The following APP variants were observed in gnomAD, a reference collection of about 807,000 sequenced individuals.
APP encodes the protein amyloid beta precursor protein.
A neutral mutation model predicts 101.4 loss-of-function variants in APP; 31 were observed. The ratio of observed to expected loss-of-function variants is 0.31; its 90% CI spans 0.23 to 0.41. The LOEUF is 0.41. Among genes scored for constraint, APP ranks in the 10% least tolerant of loss-of-function variants. The pLI, the probability that APP is intolerant of heterozygous loss-of-function variation, is 1.00. For synonymous variants in APP, 366 were observed against 364.4 expected (o/e 1.00, Z -0.05); for missense variants, 839 against 1,003.7 (o/e 0.84, Z 2.22).
chr21:26,132,453 TAG>T (rs1310028650), intron 1 of APP, among the ~76,000 whole-genome samples: 4 of 152,188 alleles, frequency 2.6e-5, no homozygotes, highest in African/African-American at 7.2e-5. Flanking sequence ...GGCACTGAAT[TAG>T]ACTTTTAATA....
chr21:25,897,590 C>T lies in APP; in HGVS notation c.2047G>A (p.Val683Ile), dbSNP rs762823452. Reference sequence around the variant, plus strand: ...TTACGTACCAATTTTTGATGATGAACTTCATATCCTGAGTCATGTCGGAAT... The same window carrying T: ...TTACGTACCAATTTTTGATGATGAATTTCATATCCTGAGTCATGTCGGAAT... ...AEFRHDSGYEVHHQKLVFFAE... is the reference protein window; with the variant it reads ...AEFRHDSGYEIHHQKLVFFAE... Residue 683 changes from valine (V) to isoleucine (I), a missense_variant, in exon 16 of 18, where the codon GTT becomes ATT. Coordinates refer to ENST00000346798, the MANE Select transcript of APP (RefSeq NM_000484.4). The T allele has an allele frequency of 3.1e-6, 5 of 1,613,296 alleles. No homozygotes were observed. In the African/African-American group the frequency reaches 6.7e-5, roughly 22 times the overall value.
chr21:26,046,162 G>GA (rs1376261974), intron 5 of APP, among the ~76,000 whole-genome samples: 1 of 151,332 alleles, frequency 6.6e-6, no homozygotes, highest in Non-Finnish European at 1.5e-5. Context: ...ATCTGGGTGG[G>GA]AAAAAAGCCA....
intron 13 of APP, among the ~76,000 whole-genome samples, chr21:25,912,692 T>C (rs993392312): frequency 6.6e-6 from 1 of 152,136 alleles, no homozygotes; most frequent in African/African-American, 2.4e-5. Context: ...CTTTCTCCTC[T>C]GTTGCTTCCC....
intron 7 of APP, among the ~76,000 whole-genome samples, chr21:25,999,324 C>T (rs760244187): frequency 3.3e-5 from 5 of 152,136 alleles, no homozygotes; most frequent in South Asian, 4.2e-4. Flanking sequence ...TTATGTTCCT[C>T]GAGCCTTATG....
chr21:26,040,194 C>T (rs556608762), intron 5 of APP, among the ~76,000 whole-genome samples: 30 of 152,270 alleles, frequency 2.0e-4, no homozygotes, highest in Admixed American at 1.7e-3. Context: ...TAATTTTCTA[C>T]GTTTGCTGTC....
chr21:26,002,528 C>G (rs749865425), intron 6 of APP, among the ~76,000 whole-genome samples: 1 of 152,230 alleles, frequency 6.6e-6, no homozygotes, highest in East Asian at 1.9e-4. Context: ...TGCTCTTTAA[C>G]GTTTCTAAGA....
At chr21:25,898,590 A>G (rs566952055) in intron 15 of APP, among the ~76,000 whole-genome samples, 83 of 152,232 alleles carry the variant, frequency 5.5e-4, no homozygotes, top group Non-Finnish European at 1.0e-3. Context: ...AACATAGAGG[A>G]ATGTATCAAT....
intron 6 of APP, among the ~76,000 whole-genome samples, chr21:26,006,466 G>A (rs1325964997): frequency 6.6e-6 from 1 of 152,122 alleles, no homozygotes; most frequent in African/African-American, 2.4e-5. Context: ...TCTTTGTAAG[G>A]TAGGCCCTTG....
At chr21:26,112,329 A>G (rs1038598850) in intron 1 of APP, among the ~76,000 whole-genome samples, 183 bp from the exon 2 acceptor site, 1 of 152,252 alleles carries the variant, frequency 6.6e-6, no homozygotes, top group Non-Finnish European at 1.5e-5. Flanking sequence ...TTAGCCACCT[A>G]TAAGGCAATG....
intron 3 of APP, among the ~76,000 whole-genome samples, chr21:26,059,862 G>C (rs565841973): frequency 8.5e-6 from 1 of 117,220 alleles, no homozygotes; most frequent in African/African-American, 3.3e-5. Context: ...CTGCAGTCCA[G>C]ACTGAGCGAA....
intron 1 of APP, among the ~76,000 whole-genome samples, chr21:26,162,721 T>C (rs902275229): frequency 6.6e-5 from 10 of 150,558 alleles, no homozygotes; most frequent in African/African-American, 2.2e-4. Context: ...CAAATGACTT[T>C]TCTTTATGCA....
chr21:26,137,016 C>T (rs1287883474), intron 1 of APP, among the ~76,000 whole-genome samples: 1 of 150,682 alleles, frequency 6.6e-6, no homozygotes, highest in African/African-American at 2.5e-5. Context: ...GCTCACTGCA[C>T]CTATGCCTCC....
At chr21:25,966,582 T>G (rs1701000) in intron 11 of APP, among the ~76,000 whole-genome samples, 1 of 152,004 alleles carries the variant, frequency 6.6e-6, no homozygotes, top group Non-Finnish European at 1.5e-5. Flanking sequence ...TACCAAGAAC[T>G]CAGCAAATAA....
intron 13 of APP, among the ~76,000 whole-genome samples, chr21:25,930,590 A>G (rs992792144): frequency 2.0e-5 from 3 of 151,646 alleles, no homozygotes; most frequent in Non-Finnish European, 4.4e-5. Flanking sequence ...CACAAATTAT[A>G]TATATATATA....
intron 3 of APP, among the ~76,000 whole-genome samples, chr21:26,071,772 A>C (rs2061415946): frequency 6.6e-6 from 1 of 152,210 alleles, no homozygotes; most frequent in Non-Finnish European, 1.5e-5. Flanking sequence ...TTTTCAGGCC[A>C]AAGGCAGAGA....
intron 1 of APP, among the ~76,000 whole-genome samples, chr21:26,139,411 G>T (rs2062993061): frequency 6.6e-6 from 1 of 152,130 alleles, no homozygotes; most frequent in Non-Finnish European, 1.5e-5. Flanking sequence ...ATAAGGTAAG[G>T]TTACATTAGT....
At chr21:26,040,350 C>T (rs1318354855) in intron 5 of APP, among the ~76,000 whole-genome samples, 1 of 151,992 alleles carries the variant, frequency 6.6e-6, no homozygotes, top group Admixed American at 6.6e-5. Context: ...GCCTGTAATC[C>T]CAGCACTTTG....
intron 16 of APP, among the ~76,000 whole-genome samples, chr21:25,896,420 A>T (rs1462874192): frequency 6.6e-6 from 1 of 150,808 alleles, no homozygotes; most frequent in Non-Finnish European, 1.5e-5. Context: ...AGTAACACTC[A>T]CACACACACA....
intron 16 of APP, among the ~76,000 whole-genome samples, chr21:25,897,273 C>T (rs1369091634): frequency 6.6e-6 from 1 of 152,120 alleles, no homozygotes; most frequent in Non-Finnish European, 1.5e-5. Flanking sequence ...CCACCACACC[C>T]AGCTAATCTT....
Sources: gnomAD v4.1 joint callset for allele counts (sites outside exome capture counted in the v4.1 genomes callset) on GRCh38, gnomAD v4.1.1 for gene constraint, MANE v1.5 for transcripts, NCBI Gene and HGNC (gene_info 2026-07-23, HGNC 2026-07-21) for gene names.